The following ITGB5 variants were observed in gnomAD, a reference collection of about 807,000 sequenced individuals.
The protein encoded by ITGB5 is integrin subunit beta 5.
In ITGB5, 38 loss-of-function variants were observed where a neutral mutation model predicts 84.8. The ratio of observed to expected loss-of-function variants is 0.45; its 90% CI spans 0.35 to 0.59. ITGB5 has a LOEUF of 0.59. Among genes scored for constraint, ITGB5 ranks in the 20% least tolerant of loss-of-function variants. The pLI, the probability that ITGB5 is intolerant of heterozygous loss-of-function variation, is 0.01. For missense variants in ITGB5, 905 were observed against 1,034.5 expected (o/e 0.87, Z 1.72); for synonymous variants, 393 against 414.4 (o/e 0.95, Z 0.63).
intron 3 of ITGB5, among the ~76,000 whole-genome samples, chr3:124,858,061 G>T (rs1466479666): frequency 2.0e-5 from 3 of 151,308 alleles, no homozygotes; most frequent in African/African-American, 7.3e-5. Flanking sequence ...TTGAACCCGG[G>T]AGGTGAAGGT....
intron 5 of ITGB5, among the ~76,000 whole-genome samples, chr3:124,827,160 G>A (rs2064795037): frequency 6.6e-6 from 1 of 152,096 alleles, no homozygotes; most frequent in South Asian, 2.1e-4. Context: ...ATAGCATGAG[G>A]GCCAGAGTAC....
intron 2 of ITGB5, among the ~76,000 whole-genome samples, chr3:124,860,356 A>G (rs533521630): frequency 6.6e-6 from 1 of 152,328 alleles, no homozygotes; most frequent in East Asian, 1.9e-4. Context: ...CAAAATATAG[A>G]ATTGTATTTA....
intron 9 of ITGB5, among the ~76,000 whole-genome samples, chr3:124,805,657 G>A (rs559524059): frequency 4.5e-4 from 69 of 152,106 alleles, no homozygotes; most frequent in African/African-American, 1.6e-3. Flanking sequence ...TCATTTCATT[G>A]TCCAGGCTGG....
At position 124,763,661 on chromosome 3, in the gene ITGB5, TGAA is replaced by T; in HGVS notation, c.2359_2361del (p.Phe787del). The T allele has an allele frequency of 6.3e-7, 1 of 1,591,712 alleles. No homozygotes were observed. Among genetic ancestry groups the T allele is most frequent in the Non-Finnish European group, 8.6e-7 (1 of 1,160,480 alleles). Reference sequence around the variant, plus strand: ...CCATTGTAGGATTTGTTGAACTTGTTGAAGGTGAAGTCCACAGTGTGCGTGGAG... The same window carrying T: ...CCATTGTAGGATTTGTTGAACTTGTTGGTGAAGTCCACAGTGTGCGTGGAG... On this transcript the variant is annotated inframe_deletion, in exon 15 of 15. Coordinates refer to ENST00000296181, the MANE Select transcript of ITGB5 (RefSeq NM_002213.5).
rs201828786 is a variant in ITGB5, at chr3:124,848,295, A to G, written c.611+14T>C. On this transcript the variant is annotated intron_variant, in intron 4 of 14. Transcript: ENST00000296181. Reference sequence around the variant, plus strand: ...ACCCTTAAGTACCCAACAGAAGGGCAACTGGTCACTTACCCAATGCACGGA... The same window carrying G: ...ACCCTTAAGTACCCAACAGAAGGGCGACTGGTCACTTACCCAATGCACGGA... 1 of 1,612,392 alleles carries G rather than the reference A, an allele frequency of 6.2e-7. No individual in the cohort carries two copies. The highest frequency in any genetic ancestry group is 8.5e-7 in the Non-Finnish European group (1 of 1,178,558).
chr3:124,771,454 AGAAG>A (rs2063842881), intron 11 of ITGB5, among the ~76,000 whole-genome samples: 1 of 152,146 alleles, frequency 6.6e-6, no homozygotes, highest in African/African-American at 2.4e-5. Context: ...GAGACAAATA[AGAAG>A]GAATAGTGGG....
Position 124,841,378 on chromosome 3 carries a change from G to A in ITGB5, c.780+5C>T. On this transcript the variant is annotated splice_donor_5th_base_variant and intron_variant, in intron 5 of 14. Transcript: ENST00000296181. ...TGCAGGGACAGGACCAGAAAGGAAA[G>A]TTACCTTGCAGACGGCTGCCTGGAG... is the stretch of plus-strand genomic sequence containing the variant. The A allele has an allele frequency of 6.2e-7, 1 of 1,613,338 alleles. No homozygotes were observed. The highest frequency in any genetic ancestry group is 2.2e-5 in the East Asian group (1 of 44,866).
At chr3:124,782,391 G>A (rs771843565) in intron 10 of ITGB5, among the ~76,000 whole-genome samples, 1 of 152,168 alleles carries the variant, frequency 6.6e-6, no homozygotes, top group African/African-American at 2.4e-5. Context: ...CACTACAGCC[G>A]AGAAGTCAAG....
At position 124,764,561 on chromosome 3, in the gene ITGB5, G is replaced by C; in HGVS notation, c.2138-4C>G. The C allele has an allele frequency of 6.2e-7, 1 of 1,602,562 alleles. No homozygotes were observed. Among genetic ancestry groups the C allele is most frequent in the East Asian group, 2.2e-5 (1 of 44,526 alleles). On this transcript the variant is annotated splice_polypyrimidine_tract_variant and splice_region_variant and intron_variant, in intron 13 of 14. Coordinates refer to ENST00000296181, the MANE Select transcript of ITGB5 (RefSeq NM_002213.5). The stretch of plus-strand genomic sequence containing the variant: ...GCGTTGGGGGTGTTTCCACACTCTG[G>C]GGGGACCAGAAGCATGGTAAGCAAA...
rs3772838 is a variant in ITGB5 at position 124,820,336 on chromosome 3, C to T, written c.943-502G>A. ...TGCTTCATCCTGCTTGTGGCTCAGA[C>T]GGGCAGAGGAGGGTGCCGAGCTCTG... On this transcript the variant is annotated intron_variant, in intron 6 of 14. Coordinates refer to ENST00000296181, the MANE Select transcript of ITGB5 (RefSeq NM_002213.5). Among the ~76,000 whole-genome samples the T allele has an allele frequency of 3.7e-4, 57 of 152,210 alleles. 1 individual carries two copies. In the East Asian group the frequency reaches 8.5e-3, roughly 23 times the overall value.
intron 10 of ITGB5, among the ~76,000 whole-genome samples, chr3:124,785,746 G>C (rs973368581): frequency 6.6e-6 from 1 of 152,116 alleles, no homozygotes; most frequent in African/African-American, 2.4e-5. Flanking sequence ...CTTGGTCCAT[G>C]TGTATCCTCC....
At chr3:124,892,752 G>A (rs1239191156) in intron 1 of ITGB5, among the ~76,000 whole-genome samples, 4 of 145,694 alleles carry the variant, frequency 2.7e-5, no homozygotes, top group Admixed American at 7.0e-5. Context: ...TATTTTACCT[G>A]TAAAAATAAA....
chr3:124,894,128 A>ATTTTTTTTTTTTTT (rs1464038480), intron 1 of ITGB5, among the ~76,000 whole-genome samples: 1 of 61,946 alleles, frequency 1.6e-5, no homozygotes, highest in African/African-American at 6.0e-5. Flanking sequence ...AAGTTGTGAT[A>ATTTTTTTTTTTTTT]TTTTTCTTTT....
intron 13 of ITGB5, among the ~76,000 whole-genome samples, chr3:124,764,832 C>T (rs1013809764): frequency 5.3e-5 from 8 of 152,324 alleles, no homozygotes; most frequent in East Asian, 1.9e-4. Flanking sequence ...ACCCACATCC[C>T]GCCTGGCCCA....
chr3:124,812,735 T>C (rs1559947194), intron 8 of ITGB5, among the ~76,000 whole-genome samples: 1 of 152,168 alleles, frequency 6.6e-6, no homozygotes, highest in Non-Finnish European at 1.5e-5. Flanking sequence ...AATGTATAAA[T>C]CCAACTTGAT....
chr3:124,869,161 G>A (rs2065439443), intron 2 of ITGB5, among the ~76,000 whole-genome samples: 1 of 152,182 alleles, frequency 6.6e-6, no homozygotes, highest in Non-Finnish European at 1.5e-5. Flanking sequence ...CTACTGGGCA[G>A]CAACCCTCAG....
chr3:124,894,134 C>CTTTTTTTTTTTTTTT lies in ITGB5; in HGVS notation c.-255+7117_-255+7131dup, dbSNP rs748784158. On this transcript the variant is annotated intron_variant, in intron 1 of 4. Coordinates refer to the ITGB5 transcript ENST00000608657. ...TTATAGTAAAAGTTGTGATATTTTT[C>CTTTTTTTTTTTTTTT]TTTTTTTTTTTTTTTTTTGAGACAG... 3.9e-4 allele frequency among the ~76,000 whole-genome samples: 41 copies of CTTTTTTTTTTTTTTT among 104,354 alleles called. 3 individuals carry two copies. Among genetic ancestry groups the CTTTTTTTTTTTTTTT allele is most frequent in the Non-Finnish European group, 4.7e-4 (26 of 55,040 alleles). The allele number at this position is 104,354 out of a possible 152,430, so 68.5% of individuals were successfully genotyped here.
intron 1 of ITGB5, among the ~76,000 whole-genome samples, chr3:124,895,715 C>T (rs1935088931): frequency 6.6e-6 from 1 of 152,160 alleles, no homozygotes; most frequent in Non-Finnish European, 1.5e-5. Context: ...CATGGCTCAG[C>T]CATCAGCCAC....
chr3:124,871,887 G>A (rs1043814886), intron 2 of ITGB5, among the ~76,000 whole-genome samples: 8 of 151,140 alleles, frequency 5.3e-5, no homozygotes, highest in Non-Finnish European at 5.9e-5. Flanking sequence ...AGAAGGAAAG[G>A]AGGAAGAAAA....
Sources: gnomAD v4.1 joint callset for allele counts (sites outside exome capture counted in the v4.1 genomes callset) on GRCh38, gnomAD v4.1.1 for gene constraint, MANE v1.5 for transcripts, NCBI Gene and HGNC (gene_info 2026-07-23, HGNC 2026-07-21) for gene names.